Variants in ZMAT4 observed in about 807,000 individuals in gnomAD.
The protein encoded by ZMAT4 is zinc finger matrin-type protein 4.
A neutral mutation model predicts 28.7 loss-of-function variants in ZMAT4; 17 were observed. The observed-to-expected ratio is 0.59, with a 90% CI of 0.41 to 0.89. The LOEUF is 0.89. Among genes scored for constraint, ZMAT4 ranks in the 40% least tolerant of loss-of-function variants. ZMAT4 has a pLI of 0.00. For synonymous variants in ZMAT4, 117 were observed against 109.2 expected, an observed-to-expected ratio of 1.07 and a Z score of -0.44; for missense variants, 240 against 283.8, an observed-to-expected ratio of 0.85 and a Z score of 1.11.
intron 6 of ZMAT4, among the ~76,000 whole-genome samples, chr8:40,565,329 A>G (rs961013852): frequency 2.7e-5 from 4 of 150,736 alleles, no homozygotes; most frequent in Non-Finnish European, 4.4e-5. Context: ...CAAAGCTTCT[A>G]TATCAACTCA....
Position 40,806,663 on chromosome 8 carries a change from C to A in ZMAT4, c.102+18912G>T, listed in dbSNP as rs192605548. On this transcript the variant is annotated intron_variant, in intron 2 of 6. Transcript: ENST00000297737. The stretch of plus-strand genomic sequence containing the variant: ...TCTTTCTCACCAAGTCATCCTAAAT[C>A]TCTGTGATGGACGGCACATATTTAT... Among the ~76,000 whole-genome samples the A allele has an allele frequency of 7.2e-5, 11 of 152,294 alleles. 1 individual carries two copies. The East Asian group carries it at 1.7e-3, about 24-fold the overall frequency.
chr8:40,755,170 C>CG (rs1812627697), intron 3 of ZMAT4, among the ~76,000 whole-genome samples: 2 of 152,056 alleles, frequency 1.3e-5, no homozygotes, highest in Admixed American at 1.3e-4. Context: ...AATGGAAACT[C>CG]GGGGGTTTGA....
At chr8:40,641,774 T>C (rs1250277195) in intron 5 of ZMAT4, among the ~76,000 whole-genome samples, 2 of 152,192 alleles carry the variant, frequency 1.3e-5, no homozygotes, top group Non-Finnish European at 2.9e-5. Context: ...AAGTATACAA[T>C]ACAGTATTTT....
At chr8:40,564,460 G>A (rs907460511) in intron 6 of ZMAT4, among the ~76,000 whole-genome samples, 21 of 152,048 alleles carry the variant, frequency 1.4e-4, no homozygotes, top group Non-Finnish European at 2.5e-4. Context: ...TAAACTCACA[G>A]ATAAGATTTT....
intron 5 of ZMAT4, among the ~76,000 whole-genome samples, chr8:40,590,193 T>A (rs1052617819): frequency 1.3e-5 from 2 of 151,344 alleles, no homozygotes; most frequent in Non-Finnish European, 2.9e-5. Context: ...CTTGCTAATT[T>A]TTTTTTATTT....
At chr8:40,584,072 G>A (rs930525882) in intron 5 of ZMAT4, among the ~76,000 whole-genome samples, 3 of 152,172 alleles carry the variant, frequency 2.0e-5, no homozygotes, top group African/African-American at 7.2e-5. Flanking sequence ...GGAAGAAAAT[G>A]GGAGGCAGGT....
chr8:40,701,625 C>T (rs949089496), intron 3 of ZMAT4, among the ~76,000 whole-genome samples: 8 of 143,330 alleles, frequency 5.6e-5, no homozygotes, highest in African/African-American at 2.1e-4. Context: ...TCCAGTGATT[C>T]TCCCATCTCA....
chr8:40,716,289 A>G (rs992595798), intron 3 of ZMAT4, among the ~76,000 whole-genome samples: 1 of 152,220 alleles, frequency 6.6e-6, no homozygotes, highest in Non-Finnish European at 1.5e-5. Flanking sequence ...TGCATCAGAA[A>G]TATGGGGAGG....
In ZMAT4 at chr8:40,746,341, C is replaced by CTTTCCTTTCCTTTCCTTTCA. The variant is rs1812230555; in HGVS notation, c.192+21299_192+21300insTGAAAGGAAAGGAAAGGAAA. 2.2e-5 allele frequency among the ~76,000 whole-genome samples: 3 copies of CTTTCCTTTCCTTTCCTTTCA among 137,528 alleles called. No individual in the cohort carries two copies. The Admixed American group carries it at 2.3e-4, about 11-fold the overall frequency. 90.2% of individuals were successfully genotyped at this position (137,528 alleles called of 152,430 possible). On this transcript the variant is annotated intron_variant, in intron 3 of 6. Transcript: ENST00000297737. ...CTTTCCTTTCCTTTCCTTTCCTTTCCTTTCCTTTCCTTCCCTTTCTTTCCT... is the reference window on the plus strand; with the variant it reads ...CTTTCCTTTCCTTTCCTTTCCTTTCCTTTCCTTTCCTTTCCTTTCATTTCCTTTCCTTCCCTTTCTTTCCT...
intron 1 of ZMAT4, among the ~76,000 whole-genome samples, chr8:40,886,972 C>G (rs571078412): frequency 6.6e-6 from 1 of 152,042 alleles, no homozygotes; most frequent in South Asian, 2.1e-4. Context: ...GAGATCGAGA[C>G]CAACCTGGCT....
intron 1 of ZMAT4, among the ~76,000 whole-genome samples, chr8:40,831,000 A>T (rs1312175737): frequency 6.6e-6 from 1 of 152,236 alleles, no homozygotes; most frequent in Admixed American, 6.5e-5. Context: ...TATTACCATC[A>T]TTACCATTAA....
intron 5 of ZMAT4, among the ~76,000 whole-genome samples, chr8:40,607,995 T>C (rs1318399612): frequency 2.0e-5 from 3 of 152,020 alleles, no homozygotes; most frequent in African/African-American, 7.3e-5. Flanking sequence ...TGTGTTGGTC[T>C]TATGTTGGTT....
chr8:40,642,352 G>A (rs558940604), intron 5 of ZMAT4, among the ~76,000 whole-genome samples: 1 of 152,258 alleles, frequency 6.6e-6, no homozygotes, highest in South Asian at 2.1e-4. Flanking sequence ...AGGTTATCAA[G>A]GGCAAAGAGT....
chr8:40,802,588 C>T (rs910006600), intron 2 of ZMAT4, among the ~76,000 whole-genome samples: 26 of 151,972 alleles, frequency 1.7e-4, no homozygotes, highest in African/African-American at 5.8e-4. Flanking sequence ...GAGAGATATT[C>T]CATGTTCATG....
intron 6 of ZMAT4, among the ~76,000 whole-genome samples, chr8:40,555,432 A>G (rs1803503825): frequency 6.6e-6 from 1 of 152,168 alleles, no homozygotes; most frequent in Admixed American, 6.5e-5. Context: ...AAGATTAACA[A>G]CCACCATCAC....
intron 1 of ZMAT4, among the ~76,000 whole-genome samples, chr8:40,837,140 C>T (rs1170382266): frequency 1.3e-5 from 2 of 152,222 alleles, no homozygotes; most frequent in Non-Finnish European, 2.9e-5. Flanking sequence ...TCTCAGCCTC[C>T]TTTGCAGTTA....
chr8:40,885,439 C>T (rs1202626788), intron 1 of ZMAT4, among the ~76,000 whole-genome samples: 5 of 152,330 alleles, frequency 3.3e-5, no homozygotes, highest in East Asian at 1.9e-4. Context: ...CCTCCGAGGG[C>T]GCCTCTGCCT....
At chr8:40,678,441 G>A (rs1015099377) in intron 4 of ZMAT4, among the ~76,000 whole-genome samples, 21 of 152,188 alleles carry the variant, frequency 1.4e-4, no homozygotes, top group African/African-American at 4.3e-4. Flanking sequence ...CTTTGCCCAA[G>A]GCCATGACCA....
At chr8:40,789,537 T>C (rs1178981332) in intron 2 of ZMAT4, among the ~76,000 whole-genome samples, 1 of 152,176 alleles carries the variant, frequency 6.6e-6, no homozygotes, top group African/African-American at 2.4e-5. Flanking sequence ...TTATTATACA[T>C]TTTAAAATAA....
Sources: allele counts gnomAD v4.1 joint callset (sites outside exome capture counted in the v4.1 genomes callset), GRCh38; gene constraint gnomAD v4.1.1; transcripts MANE v1.5; gene names NCBI Gene and HGNC (gene_info 2026-07-23, HGNC 2026-07-21).